FOXO3: variants seen among roughly 807,000 people sequenced by gnomAD.
FOXO3 encodes the protein forkhead box O3.
Under a neutral mutation model 41.9 loss-of-function variants are expected in FOXO3, and 4 were observed. That is an observed-to-expected ratio of 0.10 (90% confidence interval 0.05 to 0.22). The LOEUF (loss-of-function observed/expected upper bound fraction) is 0.22, where lower values mean the gene tolerates loss of function less well. Among genes scored for constraint, FOXO3 ranks in the 10% least tolerant of loss-of-function variants. The probability of loss-of-function intolerance (pLI) is 1.00; values close to 1 mark genes in which losing one functional copy is unlikely to be tolerated. For synonymous variants in FOXO3, 318 were observed against 389.3 expected (o/e 0.82, Z 2.16); for missense variants, 534 against 906.8 (o/e 0.59, Z 5.28).
intron 1 of FOXO3, among the ~76,000 whole-genome samples, chr6:108,640,946 C>T (rs1159425109): frequency 1.3e-5 from 2 of 152,178 alleles, no homozygotes; most frequent in Non-Finnish European, 2.9e-5. Flanking sequence ...CAGAGTCCCA[C>T]TCTGTCGCCC....
At chr6:108,570,035 T>A (rs1254375996) in intron 1 of FOXO3, among the ~76,000 whole-genome samples, 1 of 126,290 alleles carries the variant, frequency 7.9e-6, no homozygotes, top group African/African-American at 3.0e-5. Context: ...AATCTCGCTC[T>A]GTCGCCTAGG....
chr6:108,681,149 T>C lies in FOXO3; in HGVS notation c.*1357T>C, dbSNP rs1770833185. ...CTGTTTAACCTGGAAAGTGTGATTA[T>C]ATTCGTTACCTTCTTTGGTAGACGG... On this transcript the variant is annotated 3_prime_UTR_variant, in exon 3 of 3. Coordinates refer to ENST00000406360, the MANE Select transcript of FOXO3 (RefSeq NM_001455.4). 6.5e-6 allele frequency: 1 copy of C among 152,674 alleles called. No homozygotes were observed. Among genetic ancestry groups the C allele is most frequent in the South Asian group, 2.1e-4 (1 of 4,836 alleles). 9.5% of individuals were successfully genotyped at this position (152,674 alleles called of 1,614,324 possible). A position where few individuals can be genotyped will look rare whatever the true frequency, so the allele number is the denominator to read the frequency against.
rs757818652 is a variant in FOXO3 at position 108,667,659 on chromosome 6, GTGA to G, written c.*34+2775_*34+2777del. On this transcript the variant is annotated intron_variant, in intron 2 of 2. Transcript: ENST00000406360. ...GTTTATCTGGTGAACTCTGATTTTG[GTGA>G]TGATAATAAATGACTGCATTGAGGA... 4.6e-5 allele frequency among the ~76,000 whole-genome samples: 7 copies of G among 152,294 alleles called. No homozygotes were observed. In the East Asian group the frequency reaches 1.2e-3, roughly 25 times the overall value.
intron 1 of FOXO3, among the ~76,000 whole-genome samples, chr6:108,655,127 C>A (rs779997188): frequency 2.6e-5 from 4 of 152,142 alleles, no homozygotes; most frequent in Non-Finnish European, 5.9e-5. Context: ...TTGTGAAAGT[C>A]CACATGCCTT....
chr6:108,682,712 A>G lies in FOXO3; in HGVS notation c.*2920A>G, dbSNP rs1770913396. 1 of 152,268 alleles carries G rather than the reference A, an allele frequency of 6.6e-6. No individual in the cohort carries two copies. The highest frequency in any genetic ancestry group is 1.5e-5 in the Non-Finnish European group (1 of 68,056). The allele number at this position is 152,268 out of a possible 1,614,324, so 9.4% of individuals were successfully genotyped here. A position where few individuals can be genotyped will look rare whatever the true frequency, so the allele number is the denominator to read the frequency against. ...TGGCCACCATGTCACATTCTGAGTG[A>G]GTGTCACAGGTCCCTAACAATAATT... is the stretch of plus-strand genomic sequence containing the variant. On this transcript the variant is annotated 3_prime_UTR_variant, in exon 3 of 3. Transcript: ENST00000406360.
At chr6:108,617,609 T>C (rs917129778) in intron 1 of FOXO3, among the ~76,000 whole-genome samples, 4 of 152,082 alleles carry the variant, frequency 2.6e-5, no homozygotes, top group Admixed American at 2.0e-4. Context: ...GAACAAGGTA[T>C]GCAAGGATTT....
intron 1 of FOXO3, among the ~76,000 whole-genome samples, chr6:108,602,058 A>G (rs1261152664): frequency 6.6e-6 from 1 of 152,254 alleles, no homozygotes; most frequent in East Asian, 1.9e-4. Context: ...TATGAAATAA[A>G]TATTTCATTA....
intron 1 of FOXO3, among the ~76,000 whole-genome samples, chr6:108,654,127 G>A (rs994306648): frequency 2.0e-5 from 3 of 152,072 alleles, no homozygotes; most frequent in East Asian, 1.9e-4. Flanking sequence ...AAATAGGAGA[G>A]TTTGTGGGGA....
intron 1 of FOXO3, among the ~76,000 whole-genome samples, chr6:108,618,888 T>G (rs962203402): frequency 6.6e-6 from 1 of 152,236 alleles, no homozygotes; most frequent in Non-Finnish European, 1.5e-5. Context: ...CTCTGATTAC[T>G]AATCTGTGTT....
At chr6:108,652,527 C>T (rs1041303415) in intron 1 of FOXO3, among the ~76,000 whole-genome samples, 2 of 152,196 alleles carry the variant, frequency 1.3e-5, no homozygotes, top group African/African-American at 4.8e-5. Flanking sequence ...TTGGTGACTT[C>T]AGAAGGAAAT....
intron 1 of FOXO3, among the ~76,000 whole-genome samples, chr6:108,662,537 A>G (rs1778900237): frequency 6.6e-6 from 1 of 152,210 alleles, no homozygotes; most frequent in Non-Finnish European, 1.5e-5. Context: ...TACACTTCTT[A>G]TGTCTGCAAG....
chr6:108,583,263 G>A (rs984271486), intron 1 of FOXO3, among the ~76,000 whole-genome samples: 1 of 152,120 alleles, frequency 6.6e-6, no homozygotes, highest in African/African-American at 2.4e-5. Flanking sequence ...GGGGGCATTC[G>A]GTGAAAAGGT....
At position 108,663,580 on chromosome 6, in the gene FOXO3, G is replaced by A. The variant is rs61756661; in HGVS notation, c.747G>A (p.Arg249=). The change falls in exon 2 of 3, where the codon CGG becomes CGA. Residue 249 remains arginine (R), a synonymous_variant. Coordinates refer to ENST00000406360, the MANE Select transcript of FOXO3 (RefSeq NM_001455.4). The part of the protein sequence containing the change: ...DGGKSGKAPR[R]RAVSMDNSNK... Reference sequence around the variant, plus strand: ...GGAAGAGCGGAAAAGCCCCCCGGCGGCGGGCTGTCTCCATGGACAATAGCA... The same window carrying A: ...GGAAGAGCGGAAAAGCCCCCCGGCGACGGGCTGTCTCCATGGACAATAGCA... The A allele has an allele frequency of 6.7e-3, 10,793 of 1,613,668 alleles. 41 individuals are homozygous for A. The highest frequency in any genetic ancestry group is 7.8e-3 in the Non-Finnish European group (9,244 of 1,179,694).
chr6:108,564,421 G>A (rs1252112235), intron 1 of FOXO3, among the ~76,000 whole-genome samples: 3 of 152,220 alleles, frequency 2.0e-5, no homozygotes, highest in Non-Finnish European at 2.9e-5. Context: ...TTGGAAGCAC[G>A]CATGTGCATT....
At chr6:108,581,584 G>C (rs1485043982) in intron 1 of FOXO3, among the ~76,000 whole-genome samples, 1 of 152,070 alleles carries the variant, frequency 6.6e-6, no homozygotes, top group East Asian at 1.9e-4. Context: ...AGACACTTTG[G>C]GGAGGCAAGT....
At chr6:108,581,414 G>C (rs1458642799) in intron 1 of FOXO3, among the ~76,000 whole-genome samples, 1 of 152,156 alleles carries the variant, frequency 6.6e-6, no homozygotes, top group South Asian at 2.1e-4. Context: ...TATTAGGGGT[G>C]ATGGCTGGGT....
At chr6:108,665,317 C>T (rs771687040) in intron 2 of FOXO3, among the ~76,000 whole-genome samples, 17 of 152,150 alleles carry the variant, frequency 1.1e-4, no homozygotes, top group East Asian at 3.9e-4. Flanking sequence ...CTCTCTGGTC[C>T]GTCACCGCTT....
intron 1 of FOXO3, among the ~76,000 whole-genome samples, chr6:108,657,138 G>GT (rs1473440674): frequency 6.6e-6 from 1 of 152,160 alleles, no homozygotes; most frequent in African/African-American, 2.4e-5. Context: ...AAATTGTTTT[G>GT]TAAAAGAGAA....
intron 1 of FOXO3, among the ~76,000 whole-genome samples, chr6:108,573,875 C>T (rs1025595093): frequency 6.6e-5 from 10 of 151,056 alleles, no homozygotes; most frequent in Non-Finnish European, 1.3e-4. Flanking sequence ...TGATATTGGC[C>T]GGGCGCGGCG....
Sources: allele counts gnomAD v4.1 joint callset (sites outside exome capture counted in the v4.1 genomes callset), GRCh38; gene constraint gnomAD v4.1.1; transcripts MANE v1.5; gene names NCBI Gene and HGNC (gene_info 2026-07-23, HGNC 2026-07-21).